The following KCNIP3 variants were observed in gnomAD, a reference collection of about 807,000 sequenced individuals.
KCNIP3 encodes the protein potassium voltage-gated channel interacting protein 3, also known as calsenilin.
Under a neutral mutation model 35.0 loss-of-function variants are expected in KCNIP3, and 28 were observed. The observed-to-expected ratio is 0.80, with a 90% CI of 0.59 to 1.10. The LOEUF is 1.10. Ranked by LOEUF, KCNIP3 falls within the 50% of genes least tolerant of loss-of-function variation. The pLI, the probability that KCNIP3 is intolerant of heterozygous loss-of-function variation, is 0.00. For missense variants in KCNIP3, 295 were observed against 338.4 expected, an observed-to-expected ratio of 0.87 and a Z score of 1.01; for synonymous variants, 134 against 133.8, an observed-to-expected ratio of 1.00 and a Z score of -0.01.
intron 5 of KCNIP3, among the ~76,000 whole-genome samples, chr2:95,380,289 A>G (rs1680304858): frequency 6.6e-6 from 1 of 152,156 alleles, no homozygotes; most frequent in East Asian, 1.9e-4. Context: ...TGAACCTAAT[A>G]GTTGTTGTCA....
chr2:95,310,375 C>T lies in KCNIP3; in HGVS notation c.36C>T (p.Asp12=), dbSNP rs562908083. The change falls in exon 2 of 9, where the codon GAC becomes GAT. Residue 12 remains aspartate (D), a synonymous_variant. Coordinates refer to ENST00000295225, the MANE Select transcript of KCNIP3 (RefSeq NM_013434.5). ...QPAKEVTKAS[D]GSLLGDLGHT... ...TGCAGGAAGTGACAAAGGCGTCGGA[C>T]GGCAGCCTCCTGGGGGACCTCGGGC... 2.1e-5 allele frequency: 34 copies of T among 1,611,614 alleles called. No homozygotes were observed. The highest frequency in any genetic ancestry group is 1.1e-4 in the East Asian group (5 of 44,786).
intron 2 of KCNIP3, among the ~76,000 whole-genome samples, chr2:95,351,403 G>A (rs1679517722): frequency 6.6e-6 from 1 of 152,230 alleles, no homozygotes; most frequent in Admixed American, 6.5e-5. Context: ...TTGGGGTTGG[G>A]GGAAGTCGCC....
chr2:95,315,482 T>A (rs1451515926), intron 2 of KCNIP3, among the ~76,000 whole-genome samples: 1 of 152,060 alleles, frequency 6.6e-6, no homozygotes, highest in Non-Finnish European at 1.5e-5. Flanking sequence ...ACACTCCGGG[T>A]GGTTCCTCCC....
At chr2:95,354,357 C>T (rs1679601109) in intron 2 of KCNIP3, among the ~76,000 whole-genome samples, 1 of 152,246 alleles carries the variant, frequency 6.6e-6, no homozygotes, top group Admixed American at 6.5e-5. Flanking sequence ...CACCATAGCA[C>T]GCACTTATTG....
chr2:95,344,005 T>G (rs1006662359), intron 2 of KCNIP3, among the ~76,000 whole-genome samples: 15 of 150,220 alleles, frequency 1.0e-4, no homozygotes, highest in African/African-American at 3.2e-4. Flanking sequence ...GGGCCCAGCC[T>G]TCTCCAATCA....
rs1680427992 is a variant in KCNIP3, at chr2:95,384,214, A to G, written c.*165A>G. 1 of 610,870 alleles carries G rather than the reference A, an allele frequency of 1.6e-6. No individual in the cohort carries two copies. Among genetic ancestry groups the G allele is most frequent in the Non-Finnish European group, 2.9e-6 (1 of 342,544 alleles). 37.8% of individuals were successfully genotyped at this position (610,870 alleles called of 1,614,324 possible). ...CACACACACACACACACAGCCATTC[A>G]TCTGGGCTGGCAGAGGGGACAGAGT... On this transcript the variant is annotated 3_prime_UTR_variant, in exon 9 of 9. Transcript: ENST00000295225.
At chr2:95,307,139 G>C (rs1236827877) in intron 1 of KCNIP3, among the ~76,000 whole-genome samples, 1 of 152,214 alleles carries the variant, frequency 6.6e-6, no homozygotes, top group Non-Finnish European at 1.5e-5. Flanking sequence ...GGGCTCACAG[G>C]TGGGATTCTG....
Position 95,370,503 on chromosome 2 carries a change from C to A in KCNIP3, c.182-3793C>A, listed in dbSNP as rs1680017511. On this transcript the variant is annotated intron_variant, in intron 2 of 8. Coordinates refer to ENST00000295225, the MANE Select transcript of KCNIP3 (RefSeq NM_013434.5). ...CAGTTTTCCCATCACTGCATGAATT[C>A]TCACATGTCCTTTCAAGTACCTTTT... 2.6e-5 allele frequency among the ~76,000 whole-genome samples: 4 copies of A among 152,354 alleles called. No individual in the cohort carries two copies. In the South Asian group the frequency reaches 8.3e-4, roughly 32 times the overall value.
At position 95,310,527 on chromosome 2, in the gene KCNIP3, G is replaced by A; in HGVS notation, c.181+7G>A. 6.2e-7 allele frequency: 1 copy of A among 1,613,116 alleles called. No homozygotes were observed. Among genetic ancestry groups the A allele is most frequent in the Non-Finnish European group, 8.5e-7 (1 of 1,179,560 alleles). On this transcript the variant is annotated splice_region_variant and intron_variant, in intron 2 of 8. Transcript: ENST00000295225. Reference sequence around the variant, plus strand: ...ACAGCCCCACAGGGCTCAGGTAGGGGCCAGGGTGGGCTGTGGTCAAGGGTG... The same window carrying A: ...ACAGCCCCACAGGGCTCAGGTAGGGACCAGGGTGGGCTGTGGTCAAGGGTG...
chr2:95,303,763 T>C (rs1413331037), intron 1 of KCNIP3, among the ~76,000 whole-genome samples: 2 of 152,192 alleles, frequency 1.3e-5, no homozygotes, highest in Non-Finnish European at 2.9e-5. Flanking sequence ...GCCAGGAGGA[T>C]GCTGCCCCAA....
chr2:95,366,646 A>G (rs911229727), intron 2 of KCNIP3, among the ~76,000 whole-genome samples: 3 of 152,186 alleles, frequency 2.0e-5, no homozygotes, highest in Admixed American at 6.5e-5. Context: ...TGCCAGCAAC[A>G]TATAGTGGTT....
At chr2:95,315,216 G>C (rs1678422987) in intron 2 of KCNIP3, among the ~76,000 whole-genome samples, 1 of 152,206 alleles carries the variant, frequency 6.6e-6, no homozygotes, top group South Asian at 2.1e-4. Context: ...GGGAGCCCCA[G>C]AGTGATGGCA....
chr2:95,366,648 A>G (rs1227738225), intron 2 of KCNIP3, among the ~76,000 whole-genome samples: 1 of 152,156 alleles, frequency 6.6e-6, no homozygotes, highest in African/African-American at 2.4e-5. Context: ...CCAGCAACAT[A>G]TAGTGGTTCC....
chr2:95,338,694 A>C (rs1679120949), intron 2 of KCNIP3, among the ~76,000 whole-genome samples: 1 of 152,220 alleles, frequency 6.6e-6, no homozygotes, highest in African/African-American at 2.4e-5. Context: ...CAACAAGATA[A>C]GGAGTCTACT....
chr2:95,313,504 C>G (rs1434506932), intron 2 of KCNIP3: 1 of 152,312 alleles, frequency 6.6e-6, no homozygotes, highest in Admixed American at 6.5e-5. Flanking sequence ...CTCCTTGGAC[C>G]CTCTTCCATG....
At chr2:95,380,900 C>T (rs1442283504) in intron 5 of KCNIP3, among the ~76,000 whole-genome samples, 1 of 152,148 alleles carries the variant, frequency 6.6e-6, no homozygotes. Flanking sequence ...GTGGTCCCAG[C>T]TACTCAGGAG....
intron 2 of KCNIP3, among the ~76,000 whole-genome samples, chr2:95,326,284 T>C (rs929907863): frequency 6.6e-6 from 1 of 151,126 alleles, no homozygotes; most frequent in Non-Finnish European, 1.5e-5. Flanking sequence ...TCACTACACA[T>C]ACACACTCAT....
chr2:95,347,316 C>T (rs1363153498), intron 2 of KCNIP3, among the ~76,000 whole-genome samples: 2 of 152,168 alleles, frequency 1.3e-5, no homozygotes, highest in Non-Finnish European at 2.9e-5. Context: ...GGGACGAAGC[C>T]GCAGCGCTTG....
chr2:95,310,613 C>T (rs764370478), intron 2 of KCNIP3, 93 bp downstream of exon 2: 6 of 1,409,014 alleles, frequency 4.3e-6, no homozygotes, highest in East Asian at 2.3e-5. Flanking sequence ...CAGCCTGGGA[C>T]CCCAGCCTGG....
Sources: gnomAD v4.1 joint callset for allele counts (sites outside exome capture counted in the v4.1 genomes callset) on GRCh38, gnomAD v4.1.1 for gene constraint, MANE v1.5 for transcripts, NCBI Gene and HGNC (gene_info 2026-07-23, HGNC 2026-07-21) for gene names.